DCC: variants seen among roughly 807,000 people sequenced by gnomAD.
DCC encodes netrin receptor DCC.
DCC carries 58 observed loss-of-function variants against 172.5 expected under a neutral mutation model. The observed-to-expected ratio is 0.34, with a 90% confidence interval of 0.27 to 0.42. The LOEUF is 0.42. DCC is among the 10% of genes least tolerant of loss of function. The pLI is 1.00. For synonymous variants in DCC, 709 were observed against 644.5 expected, an observed-to-expected ratio of 1.10 and a Z score of -1.52; for missense variants, 1,740 against 1,791.0, an observed-to-expected ratio of 0.97 and a Z score of 0.51.
chr18:52,705,098 T>C (rs537998159), intron 1 of DCC, among the ~76,000 whole-genome samples: 1 of 152,328 alleles, frequency 6.6e-6, no homozygotes, highest in South Asian at 2.1e-4. Context: ...AAAGCATGAC[T>C]ATAAAGTAAC....
chr18:53,143,178 C>G (rs972586094), intron 7 of DCC, among the ~76,000 whole-genome samples: 1 of 152,124 alleles, frequency 6.6e-6, no homozygotes, highest in Non-Finnish European at 1.5e-5. Flanking sequence ...TCTTTGGAAG[C>G]AAGCATATCA....
In DCC at chr18:53,532,757, T is replaced by A. The variant is rs1045297764; in HGVS notation, c.*2104T>A. The A allele has an allele frequency of 1.3e-5, 2 of 151,848 alleles. No individual in the cohort carries two copies. The highest frequency in any genetic ancestry group is 1.5e-5 in the Non-Finnish European group (1 of 67,988). 9.4% of individuals were successfully genotyped at this position (151,848 alleles called of 1,614,324 possible). A position where few individuals can be genotyped will look rare whatever the true frequency, so the allele number is the denominator to read the frequency against. ...TCCTGAGTGCTCAGTTTGGAATAGG[T>A]TGCAAATCTCAGATTTTAGGGATTG... On this transcript the variant is annotated 3_prime_UTR_variant, in exon 29 of 29. Transcript: ENST00000442544.
intron 3 of DCC, among the ~76,000 whole-genome samples, chr18:52,922,233 GA>G (rs2040137687): frequency 6.6e-6 from 1 of 152,138 alleles, no homozygotes; most frequent in South Asian, 2.1e-4. Flanking sequence ...TGGGAAGACT[GA>G]GAAAGTGTGA....
intron 1 of DCC, among the ~76,000 whole-genome samples, chr18:52,448,564 T>A (rs181753453): frequency 3.3e-5 from 5 of 152,144 alleles, no homozygotes; most frequent in African/African-American, 1.2e-4. Flanking sequence ...TTTCTAAGAT[T>A]TATCTGCCCA....
intron 1 of DCC, among the ~76,000 whole-genome samples, chr18:52,681,210 C>A (rs1053916977): frequency 6.6e-6 from 1 of 152,158 alleles, no homozygotes; most frequent in South Asian, 2.1e-4. Flanking sequence ...AGTTAGTGGG[C>A]GGCAGAACTG....
intron 2 of DCC, among the ~76,000 whole-genome samples, chr18:52,817,498 A>AT (rs1298532023): frequency 6.6e-6 from 1 of 152,090 alleles, no homozygotes; most frequent in East Asian, 1.9e-4. Context: ...ACCTTCTCAT[A>AT]TTTTAAATTA....
intron 8 of DCC, among the ~76,000 whole-genome samples, chr18:53,177,572 A>G (rs1431851774): frequency 6.6e-6 from 1 of 152,166 alleles, no homozygotes; most frequent in African/African-American, 2.4e-5. Flanking sequence ...CTCTAGAATT[A>G]TTACAAATGT....
intron 2 of DCC, among the ~76,000 whole-genome samples, chr18:52,882,601 T>A (rs963021716): frequency 2.6e-5 from 4 of 152,160 alleles, no homozygotes; most frequent in African/African-American, 9.6e-5. Context: ...GATTTCTAGT[T>A]TGATTACACT....
chr18:53,213,402 C>A (rs939008703), intron 11 of DCC, among the ~76,000 whole-genome samples: 1 of 151,934 alleles, frequency 6.6e-6, no homozygotes, highest in Admixed American at 6.6e-5. Context: ...GTAATCCCAG[C>A]ACTTTGGGAG....
At chr18:52,374,355 A>G (rs1158445233) in intron 1 of DCC, among the ~76,000 whole-genome samples, 1 of 152,090 alleles carries the variant, frequency 6.6e-6, no homozygotes, top group African/African-American at 2.4e-5. Context: ...AAGTTGTTGG[A>G]CACTTTTATC....
At chr18:52,547,297 G>A (rs544966534) in intron 1 of DCC, among the ~76,000 whole-genome samples, 1 of 152,220 alleles carries the variant, frequency 6.6e-6, no homozygotes, top group South Asian at 2.1e-4. Flanking sequence ...TCTTAAAAGC[G>A]AAAATGTTGT....
At chr18:53,212,431 C>G (rs2055768793) in intron 11 of DCC, among the ~76,000 whole-genome samples, 1 of 152,088 alleles carries the variant, frequency 6.6e-6, no homozygotes, top group Admixed American at 6.5e-5. Context: ...TTGTATCTAT[C>G]TATCTCCAAA....
intron 1 of DCC, among the ~76,000 whole-genome samples, chr18:52,455,229 G>A (rs1354771105): frequency 2.0e-5 from 3 of 151,884 alleles, no homozygotes; most frequent in South Asian, 2.1e-4. Context: ...CTTCATCATC[G>A]TGTTTCAATG....
At chr18:53,205,999 A>C (rs2144551521) in intron 10 of DCC, among the ~76,000 whole-genome samples, 1 of 150,978 alleles carries the variant, frequency 6.6e-6, no homozygotes, top group South Asian at 2.1e-4. Flanking sequence ...ACATGCACAC[A>C]CATATGTTAA....
chr18:52,528,907 G>T (rs1325715785), intron 1 of DCC, among the ~76,000 whole-genome samples: 1 of 152,044 alleles, frequency 6.6e-6, no homozygotes, highest in African/African-American at 2.4e-5. Context: ...ATATAGATTT[G>T]CTACACTTGA....
intron 12 of DCC, among the ~76,000 whole-genome samples, chr18:53,247,554 G>A (rs2056380142): frequency 7.0e-6 from 1 of 143,882 alleles, no homozygotes; most frequent in African/African-American, 2.6e-5. Context: ...GAAAAATAAT[G>A]TCATGGTTGC....
chr18:52,478,058 C>T (rs551613238), intron 1 of DCC, among the ~76,000 whole-genome samples: 1 of 152,228 alleles, frequency 6.6e-6, no homozygotes, highest in East Asian at 1.9e-4. Flanking sequence ...GATCCTCCTA[C>T]CTTGGCCTCA....
intron 14 of DCC, among the ~76,000 whole-genome samples, chr18:53,332,650 T>G (rs2144851386): frequency 6.6e-6 from 1 of 152,290 alleles, no homozygotes; most frequent in East Asian, 1.9e-4. Flanking sequence ...GGGAAAATAT[T>G]AATGTTCATT....
At chr18:52,903,552 G>T (rs1328140950) in intron 2 of DCC, among the ~76,000 whole-genome samples, 1 of 152,064 alleles carries the variant, frequency 6.6e-6, no homozygotes, top group Non-Finnish European at 1.5e-5. Flanking sequence ...CTTCTAAAGA[G>T]CCATAAATCT....
Sources: gnomAD v4.1 joint callset for allele counts (sites outside exome capture counted in the v4.1 genomes callset) on GRCh38, gnomAD v4.1.1 for gene constraint, MANE v1.5 for transcripts, NCBI Gene and HGNC (gene_info 2026-07-23, HGNC 2026-07-21) for gene names.